TAFA1: variants seen among roughly 807,000 people sequenced by gnomAD.
TAFA1 encodes the protein chemokine-like protein TAFA-1.
Under a neutral mutation model 18.5 loss-of-function variants are expected in TAFA1, and 4 were observed. The observed-to-expected ratio is 0.22, with a 90% confidence interval of 0.11 to 0.49. The LOEUF (loss-of-function observed/expected upper bound fraction) is 0.49, where lower values mean the gene tolerates loss of function less well. TAFA1 is among the 20% of genes least tolerant of loss of function. TAFA1 has a pLI of 0.98. For missense variants in TAFA1, 147 were observed against 169.0 expected, an observed-to-expected ratio of 0.87 and a Z score of 0.72; for synonymous variants, 56 against 55.2, an observed-to-expected ratio of 1.01 and a Z score of -0.06.
chr3:68,223,959 A>G (rs1386980212), intron 2 of TAFA1, among the ~76,000 whole-genome samples: 1 of 150,368 alleles, frequency 6.7e-6, no homozygotes, highest in Non-Finnish European at 1.5e-5. Context: ...CTAAACCTTA[A>G]TCCAGATTTT....
intron 2 of TAFA1, among the ~76,000 whole-genome samples, chr3:68,285,502 A>C (rs1054115597): frequency 6.6e-5 from 10 of 152,164 alleles, no homozygotes; most frequent in Non-Finnish European, 1.5e-4. Context: ...AGCAACATTT[A>C]TATATAGCAA....
chr3:68,435,099 G>A (rs983492962), intron 3 of TAFA1, among the ~76,000 whole-genome samples: 4 of 152,094 alleles, frequency 2.6e-5, no homozygotes, highest in Non-Finnish European at 5.9e-5. Context: ...AGGTTAGGGT[G>A]TTAAATGATG....
intron 2 of TAFA1, among the ~76,000 whole-genome samples, chr3:68,108,969 C>A (rs367565945): frequency 2.7e-5 from 4 of 146,114 alleles, no homozygotes; most frequent in Non-Finnish European, 6.1e-5. Flanking sequence ...CATTTTTTTT[C>A]AATTGCTAAT....
At chr3:68,096,808 G>A (rs1446729985) in intron 2 of TAFA1, among the ~76,000 whole-genome samples, 3 of 152,096 alleles carry the variant, frequency 2.0e-5, no homozygotes, top group Admixed American at 2.0e-4. Context: ...TGCACCTTAA[G>A]AGAATTAGAA....
intron 2 of TAFA1, among the ~76,000 whole-genome samples, chr3:68,236,635 A>G (rs2066930733): frequency 1.3e-5 from 2 of 152,220 alleles, no homozygotes; most frequent in African/African-American, 4.8e-5. Context: ...GAATATTCCA[A>G]TTGCAGTCTT....
At chr3:68,072,876 C>T (rs766639765) in intron 2 of TAFA1, among the ~76,000 whole-genome samples, 1 of 152,150 alleles carries the variant, frequency 6.6e-6, no homozygotes, top group Non-Finnish European at 1.5e-5. Context: ...TCTGGGTAAA[C>T]TGAAAAGAAC....
chr3:68,203,070 C>T (rs935823563), intron 2 of TAFA1, among the ~76,000 whole-genome samples: 2 of 151,662 alleles, frequency 1.3e-5, no homozygotes, highest in Admixed American at 6.6e-5. Flanking sequence ...TTGCAGACTA[C>T]AAAAATCTAC....
intron 2 of TAFA1, among the ~76,000 whole-genome samples, chr3:68,262,979 T>G (rs1339725914): frequency 6.6e-6 from 1 of 152,230 alleles, no homozygotes; most frequent in Non-Finnish European, 1.5e-5. Context: ...CTTATTTGAG[T>G]CATGGATTGT....
At chr3:68,048,748 A>C (rs531935166) in intron 2 of TAFA1, among the ~76,000 whole-genome samples, 141 of 152,238 alleles carry the variant, frequency 9.3e-4, no homozygotes, top group Admixed American at 1.8e-3. Context: ...CATTTAACAT[A>C]ATAACCTCCC....
intron 3 of TAFA1, among the ~76,000 whole-genome samples, chr3:68,443,361 A>G (rs1559672417): frequency 1.3e-5 from 2 of 151,708 alleles, no homozygotes; most frequent in African/African-American, 4.8e-5. Context: ...CTACCCTTCA[A>G]GCATCTACCT....
rs2073441645 is a variant in TAFA1 at position 68,545,322 on chromosome 3, G to A, written c.*819G>A. ...TAAGACTCTGGCAGAGTTATGGGTAGGATATGGATCCCTACATGAATAAGT... is the reference window on the plus strand; with the variant it reads ...TAAGACTCTGGCAGAGTTATGGGTAAGATATGGATCCCTACATGAATAAGT... On this transcript the variant is annotated 3_prime_UTR_variant, in exon 5 of 5. Coordinates refer to ENST00000478136, the MANE Select transcript of TAFA1 (RefSeq NM_213609.4). The A allele has an allele frequency of 6.6e-6, 1 of 152,584 alleles. No homozygotes were observed. The highest frequency in any genetic ancestry group is 1.5e-5 in the Non-Finnish European group (1 of 68,028). The allele number at this position is 152,584 out of a possible 1,614,324, so 9.5% of individuals were successfully genotyped here. A position where few individuals can be genotyped will look rare whatever the true frequency, so the allele number is the denominator to read the frequency against.
intron 3 of TAFA1, among the ~76,000 whole-genome samples, chr3:68,531,524 C>G (rs1017578157): frequency 6.6e-6 from 1 of 151,992 alleles, no homozygotes; most frequent in Non-Finnish European, 1.5e-5. Flanking sequence ...GTGTAGTGAC[C>G]CGCCAGCACT....
chr3:68,060,204 T>TGTG (rs2064585215), intron 2 of TAFA1, among the ~76,000 whole-genome samples: 2 of 150,032 alleles, frequency 1.3e-5, no homozygotes, highest in African/African-American at 4.9e-5. Flanking sequence ...GTGTGTGTGT[T>TGTG]TGTGTGTGTG....
intron 3 of TAFA1, among the ~76,000 whole-genome samples, chr3:68,534,455 G>A (rs2073240412): frequency 6.6e-6 from 1 of 151,932 alleles, no homozygotes; most frequent in Non-Finnish European, 1.5e-5. Context: ...TTTTTTTCCT[G>A]TTAATGTTTA....
intron 2 of TAFA1, among the ~76,000 whole-genome samples, chr3:68,359,780 C>T (rs1220094110): frequency 1.3e-5 from 2 of 151,896 alleles, no homozygotes; most frequent in Non-Finnish European, 2.9e-5. Context: ...CCACCAAATG[C>T]CCCTTCATGG....
chr3:68,370,492 A>ACACG (rs1263741484), intron 2 of TAFA1, among the ~76,000 whole-genome samples: 1 of 85,298 alleles, frequency 1.2e-5, no homozygotes, highest in East Asian at 4.1e-4. Flanking sequence ...ATATATATAT[A>ACACG]TATATATATA....
chr3:68,035,624 GT>G lies in TAFA1; in HGVS notation c.118+28883del, dbSNP rs553805000. Among the ~76,000 whole-genome samples, 248 of 152,282 alleles carry G rather than the reference GT, an allele frequency of 1.6e-3. 3 individuals carry two copies. The highest frequency in any genetic ancestry group is 5.5e-3 in the African/African-American group (229 of 41,550). ...ACACAGGCACTTCAGAAAACTGGAAGTTTCTTATCAAATTAAACATACATTT... is the reference window on the plus strand; with the variant it reads ...ACACAGGCACTTCAGAAAACTGGAAGTTCTTATCAAATTAAACATACATTT... On this transcript the variant is annotated intron_variant, in intron 2 of 4. Coordinates refer to ENST00000478136, the MANE Select transcript of TAFA1 (RefSeq NM_213609.4).
intron 2 of TAFA1, among the ~76,000 whole-genome samples, chr3:68,159,806 G>A (rs1028135927): frequency 6.6e-6 from 1 of 152,102 alleles, no homozygotes; most frequent in Non-Finnish European, 1.5e-5. Flanking sequence ...AGTAGATAAG[G>A]CACCAAACTA....
intron 2 of TAFA1, among the ~76,000 whole-genome samples, chr3:68,135,787 TAATTTATCAA>T (rs533893176): frequency 1.7e-4 from 26 of 152,370 alleles, no homozygotes; most frequent in African/African-American, 5.8e-4. Flanking sequence ...TCATTTGTTT[TAATTTATCAA>T]AATTTCCCTT....
Sources: allele counts gnomAD v4.1 joint callset (sites outside exome capture counted in the v4.1 genomes callset), GRCh38; gene constraint gnomAD v4.1.1; transcripts MANE v1.5; gene names NCBI Gene and HGNC (gene_info 2026-07-23, HGNC 2026-07-21).